KCNN2: variants seen among roughly 807,000 people sequenced by gnomAD.
The protein encoded by KCNN2 is potassium calcium-activated channel subfamily N member 2.
Under a neutral mutation model 55.5 loss-of-function variants are expected in KCNN2, and 24 were observed. The observed-to-expected ratio is 0.43, with a 90% CI of 0.31 to 0.61. The LOEUF is 0.61. Among genes scored for constraint, KCNN2 ranks in the 20% least tolerant of loss-of-function variants. The pLI is 0.08. For synonymous variants in KCNN2, 431 were observed against 336.1 expected (o/e 1.28, Z -3.09); for missense variants, 754 against 853.6 (o/e 0.88, Z 1.45).
At chr5:114,416,298 G>C (rs1415814050) in intron 3 of KCNN2, among the ~76,000 whole-genome samples, 1 of 152,070 alleles carries the variant, frequency 6.6e-6, no homozygotes, top group East Asian at 1.9e-4. Flanking sequence ...TGTTTTGATT[G>C]ATCCACAGCT....
chr5:114,304,388 T>C (rs1407460495), intron 2 of KCNN2, among the ~76,000 whole-genome samples: 1 of 152,198 alleles, frequency 6.6e-6, no homozygotes, highest in Non-Finnish European at 1.5e-5. Context: ...AGACTAAATG[T>C]GAATGTACCA....
At chr5:114,103,245 C>T (rs572956564) in intron 1 of KCNN2, among the ~76,000 whole-genome samples, 3 of 151,914 alleles carry the variant, frequency 2.0e-5, no homozygotes, top group Admixed American at 1.3e-4. Context: ...GTCTGTTATT[C>T]GTATATAGGA....
chr5:114,391,800 G>C (rs534917308), intron 2 of KCNN2, among the ~76,000 whole-genome samples: 1 of 152,262 alleles, frequency 6.6e-6, no homozygotes, highest in East Asian at 1.9e-4. Flanking sequence ...AAATCCACCT[G>C]ATGGTGACTT....
intron 1 of KCNN2, among the ~76,000 whole-genome samples, chr5:114,075,111 T>A (rs937651235): frequency 7.9e-5 from 12 of 152,342 alleles, no homozygotes; most frequent in African/African-American, 1.2e-4. Flanking sequence ...GATTGGTGAA[T>A]GAATCTGGCA....
chr5:114,084,117 T>C (rs1444164772), intron 1 of KCNN2, among the ~76,000 whole-genome samples: 1 of 152,154 alleles, frequency 6.6e-6, no homozygotes, highest in South Asian at 2.1e-4. Context: ...TTTTGGCAAA[T>C]ATGAATAAAG....
chr5:114,450,897 A>G (rs994898898), intron 3 of KCNN2, among the ~76,000 whole-genome samples: 15 of 152,228 alleles, frequency 9.9e-5, no homozygotes, highest in Non-Finnish European at 1.8e-4. Flanking sequence ...TAATTTTCTT[A>G]GCTTAGACCT....
intron 1 of KCNN2, among the ~76,000 whole-genome samples, chr5:114,167,588 C>G (rs958811048): frequency 1.3e-5 from 2 of 152,018 alleles, no homozygotes; most frequent in Non-Finnish European, 2.9e-5. Flanking sequence ...GTAACCTGTA[C>G]CATCTTGCCA....
intron 1 of KCNN2, among the ~76,000 whole-genome samples, chr5:114,151,202 T>A (rs1322995786): frequency 1.3e-5 from 2 of 152,188 alleles, no homozygotes; most frequent in Non-Finnish European, 2.9e-5. Context: ...AATGATTCTT[T>A]TGGCTTTCTT....
At chr5:114,440,839 AATT>A (rs1760179782) in intron 3 of KCNN2, among the ~76,000 whole-genome samples, 1 of 151,368 alleles carries the variant, frequency 6.6e-6, no homozygotes, top group Admixed American at 6.6e-5. Flanking sequence ...ACAAACAGGG[AATT>A]ATTAATAGAA....
chr5:114,452,773 A>G (rs151174603), intron 3 of KCNN2, among the ~76,000 whole-genome samples: 1 of 152,296 alleles, frequency 6.6e-6, no homozygotes, highest in African/African-American at 2.4e-5. Flanking sequence ...GTGAATAGCT[A>G]CGTGTGAATA....
At chr5:114,208,779 G>T (rs1324808851) in intron 1 of KCNN2, among the ~76,000 whole-genome samples, 1 of 152,168 alleles carries the variant, frequency 6.6e-6, no homozygotes, top group Non-Finnish European at 1.5e-5. Context: ...CAGAGTCAAT[G>T]CTTGATGTGT....
intron 2 of KCNN2, among the ~76,000 whole-genome samples, chr5:114,293,585 T>A (rs955847372): frequency 1.3e-5 from 2 of 152,330 alleles, no homozygotes; most frequent in Admixed American, 1.3e-4. Context: ...GCTGCTGGAT[T>A]CAGTTTGCCA....
intron 1 of KCNN2, among the ~76,000 whole-genome samples, chr5:114,072,881 T>G (rs1344853488): frequency 6.6e-6 from 1 of 152,076 alleles, no homozygotes; most frequent in Non-Finnish European, 1.5e-5. Context: ...AGTAACACTT[T>G]TCTTTTGCTT....
chr5:114,256,779 T>C (rs1754991471), intron 2 of KCNN2, among the ~76,000 whole-genome samples: 1 of 152,128 alleles, frequency 6.6e-6, no homozygotes, highest in Admixed American at 6.5e-5. Context: ...ATATTAGTCC[T>C]TTGTCAGATG....
chr5:114,341,904 GTT>G (rs58992446), intron 2 of KCNN2, among the ~76,000 whole-genome samples: 4 of 138,324 alleles, frequency 2.9e-5, no homozygotes, highest in Admixed American at 7.3e-5. Context: ...TTCATAATGT[GTT>G]TTTTTTTTTT....
chr5:114,097,498 A>G (rs1170634712), intron 1 of KCNN2, among the ~76,000 whole-genome samples: 2 of 152,146 alleles, frequency 1.3e-5, no homozygotes, highest in Non-Finnish European at 2.9e-5. Flanking sequence ...GCCTGAAGAC[A>G]GTAGTAGGTT....
intron 2 of KCNN2, among the ~76,000 whole-genome samples, chr5:114,338,478 C>A (rs1281765374): frequency 6.6e-6 from 1 of 152,182 alleles, no homozygotes; most frequent in Non-Finnish European, 1.5e-5. Flanking sequence ...TCCAGAGAAG[C>A]TATGCACCAT....
At chr5:114,418,943 A>ACAAGCATATCTT (rs1273508724) in intron 3 of KCNN2, among the ~76,000 whole-genome samples, 1 of 152,224 alleles carries the variant, frequency 6.6e-6, no homozygotes, top group Non-Finnish European at 1.5e-5. Context: ...ACTTCCTCAT[A>ACAAGCATATCTT]CAAGCATATC....
chr5:114,196,498 T>C (rs551042853), intron 1 of KCNN2, among the ~76,000 whole-genome samples: 2 of 152,182 alleles, frequency 1.3e-5, no homozygotes, highest in South Asian at 4.1e-4. Flanking sequence ...GACTTTTCTT[T>C]GTGGGAAGTT....
Sources: allele counts gnomAD v4.1 joint callset (sites outside exome capture counted in the v4.1 genomes callset), GRCh38; gene constraint gnomAD v4.1.1; transcripts MANE v1.5; gene names NCBI Gene and HGNC (gene_info 2026-07-23, HGNC 2026-07-21).